MCU: variants seen among roughly 807,000 people sequenced by gnomAD.
MCU encodes the protein calcium uniporter protein, mitochondrial.
Under a neutral mutation model 45.2 loss-of-function variants are expected in MCU, and 12 were observed. The ratio of observed to expected loss-of-function variants is 0.27; its 90% CI spans 0.17 to 0.43. MCU has a LOEUF of 0.43. MCU is among the 20% of genes least tolerant of loss of function. The probability of loss-of-function intolerance (pLI) is 1.00; values close to 1 mark genes in which losing one functional copy is unlikely to be tolerated. For missense variants in MCU, 324 were observed against 436.7 expected, an observed-to-expected ratio of 0.74 and a Z score of 2.30; for synonymous variants, 160 against 165.1, an observed-to-expected ratio of 0.97 and a Z score of 0.24.
intron 5 of MCU, among the ~76,000 whole-genome samples, chr10:72,869,170 G>T (rs889940504): frequency 3.9e-5 from 6 of 152,190 alleles, no homozygotes; most frequent in Admixed American, 3.9e-4. Flanking sequence ...GAGTATAGTG[G>T]ATAATGATTT....
chr10:72,863,056 C>G (rs1187723899), intron 4 of MCU, among the ~76,000 whole-genome samples: 1 of 152,088 alleles, frequency 6.6e-6, no homozygotes, highest in African/African-American at 2.4e-5. Context: ...TACTTTCTCT[C>G]CACTGTGTAT....
intron 1 of MCU, among the ~76,000 whole-genome samples, chr10:72,714,336 C>T (rs866667538): frequency 5.6e-5 from 4 of 71,532 alleles, no homozygotes; most frequent in Admixed American, 1.3e-4. Context: ...CAGTTCCCCC[C>T]GCCCTGGTCT....
chr10:72,835,822 C>G (rs1441410556), intron 2 of MCU, among the ~76,000 whole-genome samples: 2 of 152,188 alleles, frequency 1.3e-5, no homozygotes, highest in African/African-American at 4.8e-5. Flanking sequence ...GCACTTAGCA[C>G]TGTGTTGTGG....
intron 1 of MCU, chr10:72,730,976 T>G (rs933443007): frequency 1.3e-5 from 2 of 152,172 alleles, no homozygotes; most frequent in African/African-American, 2.4e-5. Flanking sequence ...TTTAGAGAGA[T>G]GGAGTTTTGC....
intron 1 of MCU, among the ~76,000 whole-genome samples, chr10:72,714,956 A>G (rs1435595399): frequency 6.6e-6 from 1 of 152,212 alleles, no homozygotes; most frequent in East Asian, 1.9e-4. Flanking sequence ...TCTTGTCCTA[A>G]GGGTCACTGT....
At chr10:72,827,018 A>G (rs1348814048) in intron 1 of MCU, among the ~76,000 whole-genome samples, 1 of 152,150 alleles carries the variant, frequency 6.6e-6, no homozygotes, top group African/African-American at 2.4e-5. Flanking sequence ...AACTTTATCC[A>G]TAGGTATGTG....
intron 1 of MCU, among the ~76,000 whole-genome samples, chr10:72,805,274 G>T (rs1313710996): frequency 7.0e-6 from 1 of 142,600 alleles, no homozygotes; most frequent in African/African-American, 2.6e-5. Context: ...TTGGAGACAG[G>T]GTCTCGCTCT....
At chr10:72,863,750 G>A (rs928337532) in intron 4 of MCU, among the ~76,000 whole-genome samples, 1 of 151,986 alleles carries the variant, frequency 6.6e-6, no homozygotes, top group African/African-American at 2.4e-5. Flanking sequence ...CCTGTAACTG[G>A]GATTACAGGC....
intron 1 of MCU, among the ~76,000 whole-genome samples, chr10:72,783,421 G>T (rs1844024710): frequency 6.6e-6 from 1 of 150,676 alleles, no homozygotes; most frequent in Non-Finnish European, 1.5e-5. Context: ...ACTGCCACAT[G>T]CCACTTATTC....
intron 1 of MCU, among the ~76,000 whole-genome samples, chr10:72,744,227 G>T (rs1478616455): frequency 6.8e-6 from 1 of 146,634 alleles, no homozygotes; most frequent in East Asian, 2.0e-4. Flanking sequence ...GGTATCCAAA[G>T]ATGCTTTTTT....
intron 1 of MCU, among the ~76,000 whole-genome samples, chr10:72,803,456 G>C (rs1564561469): frequency 6.6e-6 from 1 of 151,804 alleles, no homozygotes; most frequent in East Asian, 1.9e-4. Context: ...TGTTTAATTT[G>C]TTCTGCAGTA....
At chr10:72,702,033 A>C (rs112077596) in intron 1 of MCU, among the ~76,000 whole-genome samples, 8,009 of 151,906 alleles carry the variant, frequency 0.053, 716 homozygotes, top group African/African-American at 0.18. Flanking sequence ...TGAGGTCAGG[A>C]GTTCAGGACC....
rs7905448 is a variant in MCU, at chr10:72,693,199, T to A, written c.150+898T>A. The A allele has an allele frequency of 0.076, 36,242 of 477,238 alleles. 3,302 individuals are homozygous for A. The highest frequency in any genetic ancestry group is 0.41 in the African/African-American group (19,275 of 46,646). The allele number at this position is 477,238 out of a possible 1,614,324, so 29.6% of individuals were successfully genotyped here. On this transcript the variant is annotated intron_variant, in intron 1 of 7. Coordinates refer to ENST00000373053, the MANE Select transcript of MCU (RefSeq NM_138357.3). ...GTGTGTGTGTGTGTGTGTGTGTGTG[T>A]GAGAGAGAGAGAGACAGAGTGTGAG...
At chr10:72,747,706 G>T (rs1175916867) in intron 1 of MCU, among the ~76,000 whole-genome samples, 2 of 151,990 alleles carry the variant, frequency 1.3e-5, no homozygotes, top group African/African-American at 4.8e-5. Flanking sequence ...ATGTGGTGAC[G>T]TACGCCTGTG....
intron 1 of MCU, among the ~76,000 whole-genome samples, chr10:72,751,656 T>G (rs1843501513): frequency 6.6e-6 from 1 of 150,704 alleles, no homozygotes; most frequent in Non-Finnish European, 1.5e-5. Context: ...GCACTCCACC[T>G]CTTTCTCTTC....
intron 1 of MCU, among the ~76,000 whole-genome samples, chr10:72,693,843 G>A (rs1842655262): frequency 6.6e-6 from 1 of 152,198 alleles, no homozygotes; most frequent in Non-Finnish European, 1.5e-5. Flanking sequence ...CCTTTCCGTC[G>A]AACTACTTAA....
chr10:72,701,816 C>T (rs897596486), intron 1 of MCU, among the ~76,000 whole-genome samples: 1 of 151,986 alleles, frequency 6.6e-6, no homozygotes, highest in Non-Finnish European at 1.5e-5. Flanking sequence ...CAGGCGTGAT[C>T]CACCGTGCCC....
chr10:72,795,281 C>A (rs571603923), intron 1 of MCU, among the ~76,000 whole-genome samples: 19 of 152,282 alleles, frequency 1.2e-4, no homozygotes, highest in African/African-American at 4.3e-4. Context: ...TCCTCAGGCC[C>A]ACCCTGCCTC....
chr10:72,862,777 G>A (rs558710802), intron 4 of MCU, among the ~76,000 whole-genome samples: 1 of 152,146 alleles, frequency 6.6e-6, no homozygotes, highest in South Asian at 2.1e-4. Flanking sequence ...ATTGGGTTTA[G>A]GCCTGGTAAG....
Sources: allele counts gnomAD v4.1 joint callset (sites outside exome capture counted in the v4.1 genomes callset), GRCh38; gene constraint gnomAD v4.1.1; transcripts MANE v1.5; gene names NCBI Gene and HGNC (gene_info 2026-07-23, HGNC 2026-07-21).